The following SLC44A5 variants were observed in gnomAD, a reference collection of about 807,000 sequenced individuals.
The protein encoded by SLC44A5 is choline transporter-like protein 5.
SLC44A5 carries 57 observed loss-of-function variants against 101.8 expected under a neutral mutation model. That is an observed-to-expected ratio of 0.56 (90% CI 0.45 to 0.70). The LOEUF (loss-of-function observed/expected upper bound fraction) is 0.70. Among genes scored for constraint, SLC44A5 ranks in the 30% least tolerant of loss-of-function variants. The pLI is 0.00. For missense variants in SLC44A5, 737 were observed against 853.1 expected (o/e 0.86, Z 1.70); for synonymous variants, 281 against 290.9 (o/e 0.97, Z 0.35).
At chr1:75,685,072 G>A in the SLC44A5 span, among the ~76,000 whole-genome samples, 3 of 152,204 alleles carry the variant, frequency 2.0e-5, no homozygotes, top group African/African-American at 7.2e-5. Flanking sequence ...AAGACCACAT[G>A]TAAGCCACCA....
At chr1:75,283,260 A>T (rs1375493372) in intron 5 of SLC44A5, among the ~76,000 whole-genome samples, 1 of 151,928 alleles carries the variant, frequency 6.6e-6, no homozygotes, top group Non-Finnish European at 1.5e-5. Context: ...GATCTTGAGC[A>T]TTCTTTCATG....
At position 75,370,254 on chromosome 1, in the gene SLC44A5, C is replaced by T. The variant is rs186801118; in HGVS notation, c.52+26329G>A. Among the ~76,000 whole-genome samples the T allele has an allele frequency of 5.8e-4, 88 of 152,220 alleles. 1 individual carries two copies. Among genetic ancestry groups the T allele is most frequent in the Non-Finnish European group, 1.2e-3 (79 of 68,012 alleles). ...CATATGCTGTAACATAAACTTATAC[C>T]TATTACATAGAAAAATAACTATTTT... On this transcript the variant is annotated intron_variant, in intron 3 of 23. Coordinates refer to ENST00000370859, the MANE Select transcript of SLC44A5 (RefSeq NM_001130058.2).
chr1:75,352,315 G>C (rs1258656670), intron 3 of SLC44A5, among the ~76,000 whole-genome samples: 1 of 152,006 alleles, frequency 6.6e-6, no homozygotes, highest in East Asian at 1.9e-4. Flanking sequence ...CGGGTATTAA[G>C]TCCAGCATCC....
chr1:75,318,830 G>A (rs1655915360), intron 4 of SLC44A5, among the ~76,000 whole-genome samples: 1 of 152,128 alleles, frequency 6.6e-6, no homozygotes, highest in Non-Finnish European at 1.5e-5. Context: ...GGAGAACTGA[G>A]CACCAGAATA....
the SLC44A5 span, among the ~76,000 whole-genome samples, chr1:75,668,621 C>T: frequency 1.3e-5 from 2 of 151,184 alleles, no homozygotes; most frequent in Non-Finnish European, 2.9e-5. Flanking sequence ...CACACCCGGC[C>T]CTGGGAGCTT....
At chr1:75,495,412 G>A (rs780192217) in intron 2 of SLC44A5, among the ~76,000 whole-genome samples, 10 of 152,024 alleles carry the variant, frequency 6.6e-5, no homozygotes, top group South Asian at 2.1e-4. Context: ...CCGAGATTGC[G>A]CCACTGCACT....
intron 1 of SLC44A5, among the ~76,000 whole-genome samples, chr1:75,552,633 T>C (rs1391924994): frequency 6.6e-6 from 1 of 151,766 alleles, no homozygotes; most frequent in African/African-American, 2.4e-5. Flanking sequence ...CTGGTTTTTT[T>C]TTTTTTTTCA....
intron 18 of SLC44A5, among the ~76,000 whole-genome samples, chr1:75,217,107 A>G (rs1395908153): frequency 6.6e-6 from 1 of 151,996 alleles, no homozygotes; most frequent in Non-Finnish European, 1.5e-5. Flanking sequence ...TCTTTGATCC[A>G]TTTTTAGTTA....
chr1:75,661,536 T>A, the SLC44A5 span, among the ~76,000 whole-genome samples: 1 of 150,998 alleles, frequency 6.6e-6, no homozygotes, highest in Non-Finnish European at 1.5e-5. Flanking sequence ...AAAGCTTCAG[T>A]ACAGCAAAGG....
intron 1 of SLC44A5, among the ~76,000 whole-genome samples, chr1:75,583,423 C>T (rs997903075): frequency 1.2e-4 from 18 of 152,100 alleles, no homozygotes; most frequent in Admixed American, 2.6e-4. Context: ...TTTATCTGAC[C>T]GCTCAGAATC....
chr1:75,405,240 C>A (rs898076802), intron 2 of SLC44A5, among the ~76,000 whole-genome samples: 1 of 152,092 alleles, frequency 6.6e-6, no homozygotes, highest in Non-Finnish European at 1.5e-5. Context: ...GACTTAGACC[C>A]CCACACAATA....
rs147971459 is a variant in SLC44A5, at chr1:75,247,453, G to A, written c.345+3757C>T. Among the ~76,000 whole-genome samples, 446 of 152,198 alleles carry A rather than the reference G, an allele frequency of 2.9e-3. 1 individual carries two copies. Among genetic ancestry groups the A allele is most frequent in the Admixed American group, 6.2e-3 (95 of 15,264 alleles). ...ATCACATGGGTGGTTGGATAGAAAG[G>A]TCTGGAACTCAAGGAGCAGATTTAT... On this transcript the variant is annotated intron_variant, in intron 7 of 23. Transcript: ENST00000370859.
At position 75,500,402 on chromosome 1, in the gene SLC44A5, A is replaced by C. The variant is rs181460350; in HGVS notation, c.13+41033T>G. Among the ~76,000 whole-genome samples the C allele has an allele frequency of 5.1e-4, 78 of 152,260 alleles. 1 individual carries two copies. Among genetic ancestry groups the C allele is most frequent in the African/African-American group, 1.7e-3 (71 of 41,550 alleles). On this transcript the variant is annotated intron_variant, in intron 2 of 23. Coordinates refer to ENST00000370859, the MANE Select transcript of SLC44A5 (RefSeq NM_001130058.2). ...ATTTGGTAAAACTATTGCCTGCAAA[A>C]ACTGGAAGATAAACAAAAGTAATAT...
chr1:75,234,304 T>G (rs920387030), intron 11 of SLC44A5, among the ~76,000 whole-genome samples: 6 of 152,154 alleles, frequency 3.9e-5, no homozygotes, highest in African/African-American at 1.4e-4. Flanking sequence ...TCAGGGACTT[T>G]ATACAGAACT....
At chr1:75,398,361 A>T in intron 2 of SLC44A5, 1 of 985,304 alleles carries the variant, frequency 1.0e-6, no homozygotes, top group Non-Finnish European at 1.2e-6. Context: ...TCACCTGCAG[A>T]CCCAGTCCCA....
chr1:75,291,409 T>C (rs1395114231), intron 5 of SLC44A5, among the ~76,000 whole-genome samples: 1 of 152,128 alleles, frequency 6.6e-6, no homozygotes, highest in Admixed American at 6.5e-5. Context: ...TGGTCCTTGC[T>C]CTCCCAAAGC....
At chr1:75,295,466 G>C (rs1013947544) in intron 5 of SLC44A5, among the ~76,000 whole-genome samples, 3 of 152,162 alleles carry the variant, frequency 2.0e-5, no homozygotes, top group Admixed American at 2.0e-4. Context: ...AGATCAGATT[G>C]ACTCTGAACT....
the SLC44A5 span, among the ~76,000 whole-genome samples, chr1:75,631,339 C>T: frequency 7.2e-5 from 11 of 152,134 alleles, no homozygotes; most frequent in East Asian, 2.1e-3. Context: ...ATTATTACTG[C>T]TAGGGTATCT....
the SLC44A5 span, among the ~76,000 whole-genome samples, chr1:75,696,921 G>A: frequency 2.4e-4 from 36 of 151,774 alleles, no homozygotes; most frequent in African/African-American, 8.0e-4. Context: ...TGAGAGTCAC[G>A]GAGTTTTGTG....
Sources: allele counts gnomAD v4.1 joint callset (sites outside exome capture counted in the v4.1 genomes callset), GRCh38; gene constraint gnomAD v4.1.1; transcripts MANE v1.5; gene names NCBI Gene and HGNC (gene_info 2026-07-23, HGNC 2026-07-21).